Variants in STX8 observed in about 807,000 individuals in gnomAD.
The protein encoded by STX8 is syntaxin-8.
Under a neutral mutation model 37.5 loss-of-function variants are expected in STX8, and 23 were observed. The ratio of observed to expected loss-of-function variants is 0.61; its 90% confidence interval spans 0.44 to 0.87. The LOEUF (loss-of-function observed/expected upper bound fraction) is 0.87, where lower values mean the gene tolerates loss of function less well. Ranked by LOEUF, STX8 falls within the 40% of genes least tolerant of loss-of-function variation. The pLI, the probability that STX8 is intolerant of heterozygous loss-of-function variation, is 0.00. For synonymous variants in STX8, 115 were observed against 99.1 expected, an observed-to-expected ratio of 1.16 and a Z score of -0.95; for missense variants, 313 against 284.7, an observed-to-expected ratio of 1.10 and a Z score of -0.71.
chr17:9,526,097 A>C (rs1303335609), intron 4 of STX8, among the ~76,000 whole-genome samples: 2 of 152,212 alleles, frequency 1.3e-5, no homozygotes, highest in Admixed American at 1.3e-4. Flanking sequence ...TGAAAGACGA[A>C]GTATTCAAAG....
intron 6 of STX8, among the ~76,000 whole-genome samples, chr17:9,471,485 G>A (rs940459969): frequency 1.3e-5 from 2 of 152,090 alleles, no homozygotes; most frequent in African/African-American, 2.4e-5. Flanking sequence ...CTGCTGCCAA[G>A]GTTGGCCCTT....
At chr17:9,422,642 G>A (rs1237277465) in intron 6 of STX8, among the ~76,000 whole-genome samples, 2 of 152,188 alleles carry the variant, frequency 1.3e-5, no homozygotes, top group African/African-American at 4.8e-5. Context: ...CCTATTTATG[G>A]CTGAATAACA....
chr17:9,482,752 A>T (rs1906398798), intron 6 of STX8, among the ~76,000 whole-genome samples: 1 of 152,142 alleles, frequency 6.6e-6, no homozygotes, highest in African/African-American at 2.4e-5. Context: ...CGTCTCTACT[A>T]AAAATACAAA....
At chr17:9,268,984 G>T (rs930769250) in intron 7 of STX8, among the ~76,000 whole-genome samples, 1 of 152,072 alleles carries the variant, frequency 6.6e-6, no homozygotes, top group South Asian at 2.1e-4. Context: ...TCAGCAGATC[G>T]AGACCATCCT....
chr17:9,434,385 A>G (rs1198840113), intron 6 of STX8, among the ~76,000 whole-genome samples: 1 of 152,182 alleles, frequency 6.6e-6, no homozygotes, highest in Admixed American at 6.5e-5. Context: ...AAACAACACA[A>G]TCAGATTTGT....
At chr17:9,389,844 C>T (rs753740970) in intron 6 of STX8, among the ~76,000 whole-genome samples, 4 of 152,110 alleles carry the variant, frequency 2.6e-5, no homozygotes, top group South Asian at 2.1e-4. Context: ...TAATTGATAT[C>T]ATACTCAAAT....
intron 6 of STX8, among the ~76,000 whole-genome samples, chr17:9,433,953 C>T (rs879408249): frequency 6.6e-6 from 1 of 152,068 alleles, no homozygotes; most frequent in Non-Finnish European, 1.5e-5. Context: ...GTAGTCAGTG[C>T]AGCTACAGAA....
chr17:9,265,719 G>A (rs2142132602), intron 7 of STX8, among the ~76,000 whole-genome samples: 1 of 152,276 alleles, frequency 6.6e-6, no homozygotes, highest in African/African-American at 2.4e-5. Flanking sequence ...GCACCTGCCA[G>A]GCACTGTTCT....
chr17:9,275,823 G>A (rs867262405), intron 7 of STX8, among the ~76,000 whole-genome samples: 37 of 151,730 alleles, frequency 2.4e-4, no homozygotes, highest in Middle Eastern at 3.4e-3. Flanking sequence ...AGCCAAGATC[G>A]TGCCACTGCA....
chr17:9,498,750 T>C (rs1392472828), intron 5 of STX8, among the ~76,000 whole-genome samples: 1 of 152,078 alleles, frequency 6.6e-6, no homozygotes, highest in African/African-American at 2.4e-5. Flanking sequence ...AGAACATCTA[T>C]AGAAAATTCA....
At chr17:9,381,083 A>G (rs1234567976) in intron 6 of STX8, among the ~76,000 whole-genome samples, 3 of 152,138 alleles carry the variant, frequency 2.0e-5, no homozygotes, top group Non-Finnish European at 4.4e-5. Flanking sequence ...CCTAGGGGCA[A>G]TAGGCCATAC....
At chr17:9,327,337 AAGG>A (rs558322003) in intron 7 of STX8, among the ~76,000 whole-genome samples, 148 of 147,460 alleles carry the variant, frequency 1.0e-3, no homozygotes, top group Middle Eastern at 6.8e-3. Flanking sequence ...AGAGAAGGAG[AAGG>A]AGGAGGAGGA....
At chr17:9,556,197 G>C (rs1906958005) in intron 3 of STX8, among the ~76,000 whole-genome samples, 1 of 152,080 alleles carries the variant, frequency 6.6e-6, no homozygotes, top group South Asian at 2.1e-4. Context: ...ATATTTTTTA[G>C]AACACTTTCC....
intron 4 of STX8, among the ~76,000 whole-genome samples, chr17:9,533,348 G>A (rs112618002): frequency 0.046 from 7,026 of 152,180 alleles, 586 homozygotes; most frequent in African/African-American, 0.16. Flanking sequence ...TGTGCCTGTA[G>A]TCCCAGCTAC....
chr17:9,279,460 T>C (rs531342178), intron 7 of STX8, among the ~76,000 whole-genome samples: 2 of 152,324 alleles, frequency 1.3e-5, no homozygotes, highest in East Asian at 3.9e-4. Context: ...AGCTTTTCAG[T>C]GTTGGGCCTG....
intron 7 of STX8, among the ~76,000 whole-genome samples, chr17:9,349,549 T>C (rs1910638564): frequency 1.3e-5 from 2 of 152,052 alleles, no homozygotes; most frequent in Admixed American, 1.3e-4. Flanking sequence ...CTCGAACTCC[T>C]CACTTAAGGC....
intron 7 of STX8, among the ~76,000 whole-genome samples, chr17:9,363,657 G>C (rs867417555): frequency 6.6e-6 from 1 of 152,224 alleles, no homozygotes; most frequent in Middle Eastern, 3.4e-3. Flanking sequence ...CATCAATCAA[G>C]GCCCACACGG....
At chr17:9,391,550 A>G (rs1912219684) in intron 6 of STX8, among the ~76,000 whole-genome samples, 1 of 152,098 alleles carries the variant, frequency 6.6e-6, no homozygotes, top group Non-Finnish European at 1.5e-5. Context: ...AAGCAAAACA[A>G]ATGTGGCTAA....
chr17:9,558,532 C>T (rs1907071565), intron 2 of STX8, among the ~76,000 whole-genome samples: 1 of 152,162 alleles, frequency 6.6e-6, no homozygotes, highest in Non-Finnish European at 1.5e-5. Context: ...GCAGATCTCT[C>T]TACACTCAAA....
Sources: allele counts gnomAD v4.1 joint callset (sites outside exome capture counted in the v4.1 genomes callset), GRCh38; gene constraint gnomAD v4.1.1; transcripts MANE v1.5; gene names NCBI Gene and HGNC (gene_info 2026-07-23, HGNC 2026-07-21).